Variants in STX8 observed in about 807,000 individuals in gnomAD.
The protein encoded by STX8 is syntaxin-8.
Under a neutral mutation model 37.5 loss-of-function variants are expected in STX8, and 23 were observed. The observed-to-expected ratio is 0.61, with a 90% CI of 0.44 to 0.87. The LOEUF is 0.87. Ranked by LOEUF, STX8 falls within the 40% of genes least tolerant of loss-of-function variation. The pLI, the probability that STX8 is intolerant of heterozygous loss-of-function variation, is 0.00. For synonymous variants in STX8, 115 were observed against 99.1 expected (o/e 1.16, Z -0.95); for missense variants, 313 against 284.7 (o/e 1.10, Z -0.71).
chr17:9,518,091 A>G (rs1239481032), intron 4 of STX8, among the ~76,000 whole-genome samples: 1 of 151,878 alleles, frequency 6.6e-6, no homozygotes, highest in Non-Finnish European at 1.5e-5. Context: ...ACTTTCTACT[A>G]GTTCTTCTCC....
At chr17:9,494,615 CAAAAAAAAAAAA>C (rs35806606) in intron 5 of STX8, among the ~76,000 whole-genome samples, 8 of 64,310 alleles carry the variant, frequency 1.2e-4, no homozygotes, top group South Asian at 1.1e-3. Context: ...GAACCTGTCT[CAAAAAAAAAAAA>C]AAAAAAAAAA....
At chr17:9,528,885 T>A in intron 4 of STX8, among the ~76,000 whole-genome samples, 1 of 147,952 alleles carries the variant, frequency 6.8e-6, no homozygotes. Flanking sequence ...GAAAGAGAAA[T>A]ACAAGAGAAA....
chr17:9,507,519 G>A lies in STX8; in HGVS notation c.324-2357C>T, dbSNP rs1904884086. The stretch of plus-strand genomic sequence containing the variant: ...CTGTCCCCAGCAGGCATTCCCCACA[G>A]GAGAGCTGAGCAGCAGTGTGCCCAT... On this transcript the variant is annotated intron_variant, in intron 4 of 7. Transcript: ENST00000306357. The surrounding 1 kb of genome is among the most constrained non-coding windows in gnomAD (Gnocchi z 4.0). Among the ~76,000 whole-genome samples the A allele has an allele frequency of 6.6e-6, 1 of 152,184 alleles. No individual in the cohort carries two copies. The highest frequency in any genetic ancestry group is 1.5e-5 in the Non-Finnish European group (1 of 68,044).
At position 9,507,367 on chromosome 17, in the gene STX8, C is replaced by T. The variant is rs1199590457; in HGVS notation, c.324-2205G>A. 2.0e-5 allele frequency among the ~76,000 whole-genome samples: 3 copies of T among 151,852 alleles called. No individual in the cohort carries two copies. Among genetic ancestry groups the T allele is most frequent in the Non-Finnish European group, 2.9e-5 (2 of 67,948 alleles). ...CTAGCGGCAACTCCCCTAGGCCAGC[C>T]GAGCAGCCTTGTGTTCATATCCCGG... On this transcript the variant is annotated intron_variant, in intron 4 of 7. Transcript: ENST00000306357. This position sits in a 1 kb window ranked among gnomAD's most constrained non-coding sequence, Gnocchi z 4.0.
chr17:9,262,900 G>A (rs555746683), intron 7 of STX8, among the ~76,000 whole-genome samples: 15 of 152,308 alleles, frequency 9.8e-5, no homozygotes, highest in Admixed American at 2.6e-4. Context: ...TAACCTAAAC[G>A]AGCCAAAGTC....
intron 6 of STX8, among the ~76,000 whole-genome samples, chr17:9,402,145 G>A (rs867200112): frequency 4.6e-5 from 7 of 151,600 alleles, no homozygotes; most frequent in South Asian, 2.1e-4. Flanking sequence ...TTTAGACAGC[G>A]TTTTGCTCTT....
intron 7 of STX8, among the ~76,000 whole-genome samples, chr17:9,336,404 C>T (rs1910140972): frequency 6.6e-6 from 1 of 151,388 alleles, no homozygotes; most frequent in Admixed American, 6.6e-5. Context: ...CTTCCCCTTC[C>T]TCCCTTCCTT....
intron 6 of STX8, among the ~76,000 whole-genome samples, chr17:9,458,105 T>C (rs1018142486): frequency 1.4e-4 from 22 of 152,252 alleles, no homozygotes; most frequent in Admixed American, 4.6e-4. Context: ...TAGTTATGGT[T>C]ACCTCTGCAT....
In STX8 at chr17:9,460,673, CAAAA is replaced by C. The variant is rs751553222; in HGVS notation, c.541+31152_541+31155del. On this transcript the variant is annotated intron_variant, in intron 6 of 7. Transcript: ENST00000306357. The stretch of plus-strand genomic sequence containing the variant: ...GGGAGACAAGAGTGAGACTCTGTCT[CAAAA>C]AAAAAAAAAAACAAAACAAAACTAC... Among the ~76,000 whole-genome samples, 3 of 96,694 alleles carry C rather than the reference CAAAA, an allele frequency of 3.1e-5. 1 individual carries two copies. The highest frequency in any genetic ancestry group is 1.3e-4 in the African/African-American group (3 of 23,720). 63.4% of individuals were successfully genotyped at this position (96,694 alleles called of 152,430 possible).
intron 7 of STX8, among the ~76,000 whole-genome samples, chr17:9,288,478 G>A (rs112527140): frequency 0.21 from 32,008 of 151,504 alleles, 3,854 homozygotes; most frequent in Middle Eastern, 0.33. Context: ...TGGCTAACGC[G>A]GTGAAACCCC....
At chr17:9,447,630 C>T in intron 6 of STX8, among the ~76,000 whole-genome samples, 1 of 151,902 alleles carries the variant, frequency 6.6e-6, no homozygotes, top group African/African-American at 2.4e-5. Flanking sequence ...ATCATGATGG[C>T]CAGGCTGGTC....
At chr17:9,260,946 T>C (rs1907000661) in intron 7 of STX8, among the ~76,000 whole-genome samples, 1 of 151,116 alleles carries the variant, frequency 6.6e-6, no homozygotes, top group Admixed American at 6.6e-5. Context: ...GAGAACGGTG[T>C]GAAGAGAGAC....
intron 6 of STX8, among the ~76,000 whole-genome samples, chr17:9,406,203 A>G (rs952993591): frequency 6.6e-5 from 10 of 152,160 alleles, no homozygotes; most frequent in Non-Finnish European, 1.0e-4. Flanking sequence ...TTTTCCTTGT[A>G]ATGTCATAAC....
chr17:9,532,255 T>C (rs533916866), intron 4 of STX8, among the ~76,000 whole-genome samples: 3 of 152,258 alleles, frequency 2.0e-5, no homozygotes, highest in African/African-American at 4.8e-5. Context: ...AAACTTCGAA[T>C]AGCTACTCTG....
chr17:9,574,213 G>A (rs2151920735), intron 1 of STX8, among the ~76,000 whole-genome samples: 1 of 151,474 alleles, frequency 6.6e-6, no homozygotes, highest in African/African-American at 2.4e-5. Flanking sequence ...GGAGGTTGCA[G>A]TGAGCCATGA....
At chr17:9,566,787 C>G (rs542554212) in intron 2 of STX8, among the ~76,000 whole-genome samples, 1 of 147,922 alleles carries the variant, frequency 6.8e-6, no homozygotes, top group Admixed American at 6.8e-5. Flanking sequence ...AACTCCGTCT[C>G]GAAAAAAAAA....
chr17:9,549,960 A>G (rs1335422312), intron 3 of STX8, among the ~76,000 whole-genome samples: 1 of 152,194 alleles, frequency 6.6e-6, no homozygotes, highest in African/African-American at 2.4e-5. Flanking sequence ...GCGGTGGCTC[A>G]AGCCTGTAAT....
chr17:9,446,815 G>A (rs546608632), intron 6 of STX8, among the ~76,000 whole-genome samples: 240 of 152,160 alleles, frequency 1.6e-3, no homozygotes, highest in African/African-American at 5.5e-3. Flanking sequence ...CAGAAGATCC[G>A]TGATGTTTCA....
intron 7 of STX8, among the ~76,000 whole-genome samples, chr17:9,333,278 G>A (rs1308549294): frequency 1.3e-5 from 2 of 152,114 alleles, no homozygotes; most frequent in Non-Finnish European, 2.9e-5. Context: ...AGTCCCCAAT[G>A]TCTTTTGTTC....
Sources: gnomAD v4.1 joint callset for allele counts (sites outside exome capture counted in the v4.1 genomes callset) on GRCh38, gnomAD v4.1.1 for gene constraint, Gnocchi (gnomAD v3.1) non-coding constraint, MANE v1.5 for transcripts, NCBI Gene and HGNC (gene_info 2026-07-23, HGNC 2026-07-21) for gene names.